ITGB5: variants seen among roughly 807,000 people sequenced by gnomAD.
ITGB5 encodes the protein integrin beta-5.
In ITGB5, 38 loss-of-function variants were observed where a neutral mutation model predicts 84.8. The observed-to-expected ratio is 0.45, with a 90% CI of 0.35 to 0.59. ITGB5 has a LOEUF of 0.59. ITGB5 is among the 20% of genes least tolerant of loss of function. The pLI is 0.01. For synonymous variants in ITGB5, 393 were observed against 414.4 expected (o/e 0.95, Z 0.63); for missense variants, 905 against 1,034.5 (o/e 0.87, Z 1.72).
intron 10 of ITGB5, among the ~76,000 whole-genome samples, chr3:124,775,095 C>G (rs976378951): frequency 2.0e-5 from 3 of 152,202 alleles, no homozygotes; most frequent in Non-Finnish European, 1.5e-5. Flanking sequence ...CTGGCCCTTC[C>G]TTGCAGGGGG....
chr3:124,777,173 G>A (rs2063938383), intron 10 of ITGB5, among the ~76,000 whole-genome samples: 2 of 152,142 alleles, frequency 1.3e-5, no homozygotes, highest in Admixed American at 6.5e-5. Flanking sequence ...GCTCACCAGA[G>A]GTCACCACCG....
intron 2 of ITGB5, among the ~76,000 whole-genome samples, chr3:124,861,529 G>C (rs848800): frequency 0.76 from 89,838 of 118,066 alleles, 33,308 homozygotes; most frequent in East Asian, 0.86. Flanking sequence ...CACACACACA[G>C]AGAGATACAC....
At chr3:124,898,499 C>A (rs1392014619) in intron 1 of ITGB5, among the ~76,000 whole-genome samples, 8 of 150,972 alleles carry the variant, frequency 5.3e-5, no homozygotes, top group African/African-American at 1.9e-4. Flanking sequence ...AAAAAAATAG[C>A]CAGGCGTGGT....
Position 124,775,834 on chromosome 3 carries a change from A to G in ITGB5, c.1694-1922T>C, listed in dbSNP as rs182937045. 5.0e-4 allele frequency among the ~76,000 whole-genome samples: 76 copies of G among 152,304 alleles called. No individual in the cohort carries two copies. In the East Asian group the frequency reaches 0.013, roughly 26 times the overall value. On this transcript the variant is annotated intron_variant, in intron 10 of 14. Transcript: ENST00000296181. ...CAGAAAGCCTCTTCACCCGCCACTT[A>G]ACTTCCTGCCCCTGCTTCCCCTGGC... is the stretch of plus-strand genomic sequence containing the variant.
chr3:124,765,892 A>G (rs1365410136), intron 13 of ITGB5, among the ~76,000 whole-genome samples: 1 of 151,962 alleles, frequency 6.6e-6, no homozygotes, highest in African/African-American at 2.4e-5. Context: ...ACCTGTCTCT[A>G]CCAAAAACAT....
intron 1 of ITGB5, among the ~76,000 whole-genome samples, chr3:124,876,207 A>G (rs985357726): frequency 1.3e-5 from 2 of 152,242 alleles, no homozygotes; most frequent in African/African-American, 4.8e-5. Context: ...AATTAGCTGG[A>G]TGGTAGTAAT....
chr3:124,788,679 A>G (rs2064116378), intron 10 of ITGB5, among the ~76,000 whole-genome samples: 1 of 152,176 alleles, frequency 6.6e-6, no homozygotes, highest in Admixed American at 6.5e-5. Context: ...CTGGTTTCTG[A>G]AGCTCTGCCT....
At chr3:124,787,620 A>G (rs1321159559) in intron 10 of ITGB5, 3 of 152,254 alleles carry the variant, frequency 2.0e-5, no homozygotes, top group African/African-American at 7.2e-5. Context: ...AATGAGATGA[A>G]TGCAGCAACC....
intron 13 of ITGB5, among the ~76,000 whole-genome samples, chr3:124,765,524 A>T (rs569191894): frequency 1.1e-3 from 170 of 152,202 alleles, no homozygotes; most frequent in Non-Finnish European, 1.8e-3. Context: ...TGCAGAACAC[A>T]GCAGCTCCTT....
chr3:124,803,033 C>T (rs534158878), intron 9 of ITGB5, among the ~76,000 whole-genome samples: 1 of 152,330 alleles, frequency 6.6e-6, no homozygotes, highest in African/African-American at 2.4e-5. Context: ...GTCAAAGGTG[C>T]CGGCCTGAGC....
chr3:124,884,874 C>G (rs988930403), intron 1 of ITGB5, among the ~76,000 whole-genome samples: 1 of 152,212 alleles, frequency 6.6e-6, no homozygotes, highest in African/African-American at 2.4e-5. Flanking sequence ...GGGCAAGTCA[C>G]TTCCTTCCTG....
intron 5 of ITGB5, among the ~76,000 whole-genome samples, chr3:124,829,995 A>C (rs1417669483): frequency 6.6e-6 from 1 of 152,182 alleles, no homozygotes; most frequent in Non-Finnish European, 1.5e-5. Flanking sequence ...GAGAAAATTA[A>C]CAAAAATGGA....
intron 5 of ITGB5, among the ~76,000 whole-genome samples, chr3:124,831,041 C>A (rs1359011139): frequency 6.6e-6 from 1 of 152,174 alleles, no homozygotes; most frequent in East Asian, 1.9e-4. Context: ...ACATTGGACT[C>A]CAACCTGCTT....
chr3:124,850,177 G>A (rs544017081), intron 3 of ITGB5, among the ~76,000 whole-genome samples: 1 of 151,916 alleles, frequency 6.6e-6, no homozygotes, highest in Non-Finnish European at 1.5e-5. Flanking sequence ...CTCCCACCGT[G>A]ACAACAAGGC....
chr3:124,821,036 G>A (rs1012481522), intron 6 of ITGB5, among the ~76,000 whole-genome samples: 8 of 152,132 alleles, frequency 5.3e-5, no homozygotes, highest in African/African-American at 1.9e-4. Context: ...TTTCCCCTGG[G>A]CCACCCGTAT....
intron 3 of ITGB5, among the ~76,000 whole-genome samples, chr3:124,858,426 A>ATT (rs2065249513): frequency 6.6e-6 from 1 of 152,306 alleles, no homozygotes; most frequent in East Asian, 1.9e-4. Flanking sequence ...TAAGGAGTAA[A>ATT]TCTACCAGCA....
At chr3:124,859,150 G>C in intron 3 of ITGB5, 92 bp downstream of exon 3, 1 of 1,235,376 alleles carries the variant, frequency 8.1e-7, no homozygotes, top group Non-Finnish European at 1.2e-6. Flanking sequence ...TCTCAGCCTG[G>C]CCTGACTCAT....
At chr3:124,811,950 G>T (rs1040631320) in intron 8 of ITGB5, among the ~76,000 whole-genome samples, 2 of 152,066 alleles carry the variant, frequency 1.3e-5, no homozygotes, top group East Asian at 1.9e-4. Context: ...TTGGAAATTG[G>T]CTCTCTGTCC....
intron 3 of ITGB5, among the ~76,000 whole-genome samples, chr3:124,857,589 G>A (rs1025237012): frequency 1.3e-5 from 2 of 152,176 alleles, no homozygotes; most frequent in African/African-American, 4.8e-5. Context: ...TAGACCATGG[G>A]ATAGAAGAAA....
Sources: allele counts gnomAD v4.1 joint callset (sites outside exome capture counted in the v4.1 genomes callset), GRCh38; gene constraint gnomAD v4.1.1; transcripts MANE v1.5; gene names NCBI Gene and HGNC (gene_info 2026-07-23, HGNC 2026-07-21).